The following CYP19A1 variants were observed in gnomAD, a reference collection of about 807,000 sequenced individuals.
CYP19A1 encodes aromatase.
Under a neutral mutation model 44.4 loss-of-function variants are expected in CYP19A1, and 32 were observed. That is an observed-to-expected ratio of 0.72 (90% CI 0.54 to 0.97). The LOEUF (loss-of-function observed/expected upper bound fraction) is 0.97, where lower values mean the gene tolerates loss of function less well. Among genes scored for constraint, CYP19A1 ranks in the 50% least tolerant of loss-of-function variants. CYP19A1 has a pLI of 0.00. For missense variants in CYP19A1, 598 were observed against 637.8 expected, an observed-to-expected ratio of 0.94 and a Z score of 0.67; for synonymous variants, 212 against 215.6, an observed-to-expected ratio of 0.98 and a Z score of 0.14.
intron 1 of CYP19A1, among the ~76,000 whole-genome samples, chr15:51,337,575 T>A (rs2036797246): frequency 6.6e-6 from 1 of 152,192 alleles, no homozygotes; most frequent in Non-Finnish European, 1.5e-5. Context: ...CCCTGCAGCT[T>A]GTAGAGCTCA....
intron 1 of CYP19A1, among the ~76,000 whole-genome samples, chr15:51,334,243 C>T (rs986872555): frequency 5.3e-5 from 8 of 152,110 alleles, no homozygotes; most frequent in African/African-American, 1.9e-4. Flanking sequence ...CAAAAATTTC[C>T]TACTTTTGAT....
At chr15:51,214,924 A>C in intron 8 of CYP19A1, 146 bp downstream of exon 8, 1 of 1,280,420 alleles carries the variant, frequency 7.8e-7, no homozygotes, top group Non-Finnish European at 1.1e-6. Flanking sequence ...TATCTGGTGT[A>C]ATCAAATGTG....
At chr15:51,238,708 G>T (rs139547133) in intron 2 of CYP19A1, among the ~76,000 whole-genome samples, 1 of 152,166 alleles carries the variant, frequency 6.6e-6, no homozygotes, top group Admixed American at 6.5e-5. Context: ...AAGCTGTGAC[G>T]CAGGAGAGAT....
chr15:51,277,609 A>C (rs886297064), intron 1 of CYP19A1, among the ~76,000 whole-genome samples: 4 of 150,610 alleles, frequency 2.7e-5, no homozygotes, highest in Non-Finnish European at 4.4e-5. Context: ...GTATGAAAAT[A>C]AATTAGAAAA....
At position 51,246,342 on chromosome 15, in the gene CYP19A1, T is replaced by C. The variant is rs560972832; in HGVS notation, c.-38-3392A>G. Among the ~76,000 whole-genome samples the C allele has an allele frequency of 2.1e-4, 32 of 152,298 alleles. No individual in the cohort carries two copies. In the South Asian group the frequency reaches 2.5e-3, roughly 12 times the overall value. ...CCGTCTCAAATGCCTGGGTCTCCACTGCCCTCTCAGGGTCATTTTCTTGGG... is the reference window on the plus strand; with the variant it reads ...CCGTCTCAAATGCCTGGGTCTCCACCGCCCTCTCAGGGTCATTTTCTTGGG... On this transcript the variant is annotated intron_variant, in intron 1 of 9. Coordinates refer to ENST00000396402, the MANE Select transcript of CYP19A1 (RefSeq NM_000103.4).
At chr15:51,259,077 G>A (rs1446681365) in intron 1 of CYP19A1, among the ~76,000 whole-genome samples, 1 of 152,172 alleles carries the variant, frequency 6.6e-6, no homozygotes, top group Non-Finnish European at 1.5e-5. Flanking sequence ...TGTGTAAAAT[G>A]AGACTAATGA....
chr15:51,260,559 A>G (rs2034676481), intron 1 of CYP19A1, among the ~76,000 whole-genome samples: 1 of 152,160 alleles, frequency 6.6e-6, no homozygotes, highest in South Asian at 2.1e-4. Context: ...CAAAGTTAAG[A>G]GATTGTTTAC....
chr15:51,244,400 T>C (rs2033954409), intron 1 of CYP19A1, among the ~76,000 whole-genome samples: 1 of 152,220 alleles, frequency 6.6e-6, no homozygotes, highest in Admixed American at 6.5e-5. Context: ...GAAAATGCAC[T>C]GGAAAGGTCC....
At chr15:51,212,618 G>C in intron 8 of CYP19A1, 57 bp from the exon 9 acceptor site, 1 of 1,118,628 alleles carries the variant, frequency 8.9e-7, no homozygotes, top group Non-Finnish European at 1.4e-6. Flanking sequence ...TCTGTGATTG[G>C]TATTAAAGCT....
chr15:51,231,607 A>G (rs1225021675), intron 3 of CYP19A1, among the ~76,000 whole-genome samples: 18 of 150,412 alleles, frequency 1.2e-4, no homozygotes, highest in Admixed American at 1.2e-3. Context: ...CTGGGAAAAA[A>G]AGAAAAACCA....
intron 1 of CYP19A1, among the ~76,000 whole-genome samples, chr15:51,250,415 G>A (rs1458775611): frequency 1.3e-5 from 2 of 152,328 alleles, no homozygotes; most frequent in South Asian, 4.1e-4. Context: ...TGGGAACATT[G>A]GCAGTCAAAA....
At chr15:51,277,231 T>G (rs2035345746) in intron 1 of CYP19A1, 1 of 152,226 alleles carries the variant, frequency 6.6e-6, no homozygotes, top group South Asian at 2.1e-4. Flanking sequence ...GATTTTTATT[T>G]CATCCCCATA....
Position 51,296,271 on chromosome 15 carries a change from G to A in CYP19A1, c.-39+42224C>T, listed in dbSNP as rs28757118. Among the ~76,000 whole-genome samples, 897 of 152,158 alleles carry A rather than the reference G, an allele frequency of 5.9e-3. 14 individuals carry two copies. The highest frequency in any genetic ancestry group is 0.021 in the African/African-American group (866 of 41,508). ...GAGGCCTTGAGAGAAAGAGTCCGAG[G>A]AGAAGAGGAAAACTCCCTGAGACCT... On this transcript the variant is annotated intron_variant, in intron 1 of 9. Transcript: ENST00000396402.
Position 51,247,915 on chromosome 15 carries a change from A to G in CYP19A1, c.-38-4965T>C, listed in dbSNP as rs200805458. On this transcript the variant is annotated intron_variant, in intron 1 of 9. Coordinates refer to ENST00000396402, the MANE Select transcript of CYP19A1 (RefSeq NM_000103.4). Reference sequence around the variant, plus strand: ...CAAGATACGTCCCTGTATTTTTTTAATCTTCTGGCTTATATGTTAATTTTT... The same window carrying G: ...CAAGATACGTCCCTGTATTTTTTTAGTCTTCTGGCTTATATGTTAATTTTT... Among the ~76,000 whole-genome samples, 8 of 151,914 alleles carry G rather than the reference A, an allele frequency of 5.3e-5. No homozygotes were observed. The East Asian group carries it at 1.5e-3, about 29-fold the overall frequency.
chr15:51,222,564 C>T lies in CYP19A1; in HGVS notation c.452-39G>A, dbSNP rs770697869. ...ATCAGAGAATCAGCCATCACGAACT[C>T]CAGGGCACACACACAATCATGCCAT... is the stretch of plus-strand genomic sequence containing the variant. On this transcript the variant is annotated intron_variant, in intron 4 of 9. Transcript: ENST00000396402. 35 of 1,546,518 alleles carry T rather than the reference C, an allele frequency of 2.3e-5. No individual in the cohort carries two copies. The South Asian group carries it at 4.0e-4, about 18-fold the overall frequency.
chr15:51,303,746 C>T (rs1472334609), intron 1 of CYP19A1, among the ~76,000 whole-genome samples: 1 of 152,146 alleles, frequency 6.6e-6, no homozygotes, highest in Non-Finnish European at 1.5e-5. Flanking sequence ...GATTAGATGG[C>T]AGGAGGCAGT....
At chr15:51,277,886 G>A (rs539023568) in intron 1 of CYP19A1, 2 of 147,440 alleles carry the variant, frequency 1.4e-5, no homozygotes, top group African/African-American at 5.0e-5. Context: ...AGTTAGTCAA[G>A]ACCAACTAAT....
At chr15:51,236,646 G>A (rs145616348) in intron 3 of CYP19A1, among the ~76,000 whole-genome samples, 73 of 152,278 alleles carry the variant, frequency 4.8e-4, no homozygotes, top group South Asian at 2.3e-3. Flanking sequence ...CAACTTTCCA[G>A]AGTTAGTTAT....
chr15:51,264,904 C>T (rs2140941865), intron 1 of CYP19A1, among the ~76,000 whole-genome samples: 1 of 152,326 alleles, frequency 6.6e-6, no homozygotes. Flanking sequence ...TTCTGACACT[C>T]TGAAGGTTCT....
Sources: gnomAD v4.1 joint callset for allele counts (sites outside exome capture counted in the v4.1 genomes callset) on GRCh38, gnomAD v4.1.1 for gene constraint, MANE v1.5 for transcripts, NCBI Gene and HGNC (gene_info 2026-07-23, HGNC 2026-07-21) for gene names.